The following MAJIN variants were observed in gnomAD, a reference collection of about 807,000 sequenced individuals.
MAJIN encodes membrane-anchored junction protein.
Under a neutral mutation model 30.2 loss-of-function variants are expected in MAJIN, and 27 were observed. The ratio of observed to expected loss-of-function variants is 0.89; its 90% confidence interval spans 0.66 to 1.23. The LOEUF (loss-of-function observed/expected upper bound fraction) is 1.23. MAJIN is among the 50% of genes most tolerant of loss of function. The pLI, the probability that MAJIN is intolerant of heterozygous loss-of-function variation, is 0.00. For synonymous variants in MAJIN, 78 were observed against 91.6 expected (o/e 0.85, Z 0.85); for missense variants, 253 against 260.3 (o/e 0.97, Z 0.19).
At chr11:64,945,044 T>C (rs542235448) in intron 8 of MAJIN, among the ~76,000 whole-genome samples, 135 of 152,302 alleles carry the variant, frequency 8.9e-4, no homozygotes, top group Non-Finnish European at 1.8e-3. Flanking sequence ...TGCTGATACA[T>C]GCCTAGCTCA....
rs374191156 is a variant in MAJIN at position 64,952,664 on chromosome 11, C to A, written c.147+2093G>T. On this transcript the variant is annotated intron_variant, in intron 4 of 10. Transcript: ENST00000301896. ...ACCAAGGCAGCAGGGTTCCAGAGCT[C>A]CTAGTCTTAACCCCTAGGCTAGCCT... Among the ~76,000 whole-genome samples, 15 of 152,200 alleles carry A rather than the reference C, an allele frequency of 9.9e-5. 1 individual carries two copies. The South Asian group carries it at 2.5e-3, about 25-fold the overall frequency.
At chr11:64,970,180 A>G (rs981788167) in intron 1 of MAJIN, among the ~76,000 whole-genome samples, 3 of 147,140 alleles carry the variant, frequency 2.0e-5, no homozygotes, top group Non-Finnish European at 4.5e-5. Context: ...CTTGGCCAAC[A>G]TGGTGAAACC....
intron 1 of MAJIN, among the ~76,000 whole-genome samples, chr11:64,961,943 C>T (rs1170559836): frequency 1.3e-5 from 2 of 152,046 alleles, no homozygotes; most frequent in African/African-American, 2.4e-5. Flanking sequence ...TGCATACCAC[C>T]ATGCCCAGCT....
intron 6 of MAJIN, among the ~76,000 whole-genome samples, 155 bp from the exon 7 acceptor site, chr11:64,947,974 C>G (rs556365496): frequency 1.0e-3 from 153 of 151,816 alleles, no homozygotes; most frequent in Non-Finnish European, 1.9e-3. Context: ...ATTCTCCTCC[C>G]TCAGCCTCCC....
intron 4 of MAJIN, 25 bp downstream of exon 4, chr11:64,954,732 A>G: frequency 6.2e-7 from 1 of 1,610,722 alleles, no homozygotes; most frequent in Non-Finnish European, 8.5e-7. Context: ...TAACTTTTCC[A>G]GAAGTCGTAT....
chr11:64,947,906 C>T (rs561606860), intron 6 of MAJIN, 87 bp from the exon 7 acceptor site: 3 of 1,269,990 alleles, frequency 2.4e-6, no homozygotes, highest in African/African-American at 1.6e-5. Context: ...GTCACCCAGA[C>T]TGGAGTGCAG....
intron 1 of MAJIN, among the ~76,000 whole-genome samples, chr11:64,960,872 G>C (rs1945710476): frequency 6.6e-6 from 1 of 152,190 alleles, no homozygotes; most frequent in Non-Finnish European, 1.5e-5. Flanking sequence ...TTGGCTGCCT[G>C]AGATTAGAAT....
intron 3 of MAJIN, among the ~76,000 whole-genome samples, chr11:64,957,959 T>A (rs1945662149): frequency 6.6e-6 from 1 of 151,968 alleles, no homozygotes; most frequent in African/African-American, 2.4e-5. Flanking sequence ...TTTTTTTTTT[T>A]AAGACAGAGT....
Position 64,949,840 on chromosome 11 carries a change from G to A in MAJIN, c.252C>T (p.His84=), listed in dbSNP as rs1450837211. Residue 84 remains histidine (H), a synonymous_variant, in exon 6 of 11, where the codon CAC becomes CAT. Transcript: ENST00000301896. ...TAATTTCCCCATGTTTGAATTTCAG[G>A]TGGGAAACTCTCTCCCATTTGCTTT... The part of the protein sequence containing the change: ...PYKSKWERVS[H]LKFKHGEIIL... 6.2e-7 allele frequency: 1 copy of A among 1,607,382 alleles called. No individual in the cohort carries two copies. Among genetic ancestry groups the A allele is most frequent in the African/African-American group, 1.3e-5 (1 of 74,886 alleles).
At chr11:64,944,247 C>A (rs184249418) in intron 8 of MAJIN, among the ~76,000 whole-genome samples, 22 of 152,302 alleles carry the variant, frequency 1.4e-4, no homozygotes, top group African/African-American at 5.3e-4. Context: ...TGATACAGTC[C>A]ATTCGGACTT....
Position 64,959,409 on chromosome 11 carries a change from T to C in MAJIN, c.-4A>G, listed in dbSNP as rs1270251749. The C allele has an allele frequency of 1.9e-6, 3 of 1,608,202 alleles. No homozygotes were observed. Among genetic ancestry groups the C allele is most frequent in the Non-Finnish European group, 2.6e-6 (3 of 1,174,768 alleles). On this transcript the variant is annotated 5_prime_UTR_variant, in exon 3 of 11. Transcript: ENST00000301896. ...AGGTAAAGGGTTTTAAACTCATTGC[T>C]CCCAAACGATAGCCTAAATAAAATA...
intron 1 of MAJIN, among the ~76,000 whole-genome samples, chr11:64,966,045 G>A (rs1179745391): frequency 1.4e-5 from 2 of 147,962 alleles, no homozygotes; most frequent in Non-Finnish European, 1.5e-5. Context: ...AAAAGCACTT[G>A]GATGTAAAAC....
intron 3 of MAJIN, among the ~76,000 whole-genome samples, chr11:64,956,361 C>T (rs374808486): frequency 4.0e-5 from 6 of 151,612 alleles, no homozygotes; most frequent in African/African-American, 7.3e-5. Context: ...TGGTGGCGGG[C>T]GCCTGTAATT....
At chr11:64,966,533 T>A (rs1945812489) in intron 1 of MAJIN, among the ~76,000 whole-genome samples, 1 of 151,408 alleles carries the variant, frequency 6.6e-6, no homozygotes, top group African/African-American at 2.4e-5. Flanking sequence ...TGAGACTCCA[T>A]CTCAAAAAAA....
chr11:64,939,329 A>G (rs910621277), intron 10 of MAJIN, among the ~76,000 whole-genome samples: 2 of 152,114 alleles, frequency 1.3e-5, no homozygotes, highest in Non-Finnish European at 2.9e-5. Context: ...TGAACTCCTG[A>G]CCTCAAGTGA....
At chr11:64,971,487 G>GGA (rs1317861238) in intron 1 of MAJIN, among the ~76,000 whole-genome samples, 7 of 151,690 alleles carry the variant, frequency 4.6e-5, no homozygotes, top group Non-Finnish European at 1.0e-4. Flanking sequence ...AGGAGGAGGA[G>GGA]GAGGAGGGTG....
At chr11:64,956,902 G>A (rs1945644498) in intron 3 of MAJIN, among the ~76,000 whole-genome samples, 1 of 151,670 alleles carries the variant, frequency 6.6e-6, no homozygotes. Flanking sequence ...AAGTAGCTGG[G>A]ATTACATGCA....
In MAJIN at chr11:64,947,797, AG is replaced by A. The variant is rs1945473687; in HGVS notation, c.371del (p.Pro124LeufsTer12). On this transcript the variant is annotated frameshift_variant, in exon 7 of 11. Coordinates refer to ENST00000301896, the MANE Select transcript of MAJIN (RefSeq NM_001037225.3). LOFTEE classifies it high-confidence loss of function. ...LSPGKPISDSPLGLVPVEKKA... is the reference protein window; with the variant it reads ...LSPGKPISDSXLGLVPVEKKA... ...GAAAAGGCAAACTTACCAACCCAAG[AG>A]GACTGTCACTTATTGGTTTCCCTAC... The A allele has an allele frequency of 6.2e-7, 1 of 1,613,134 alleles. No homozygotes were observed. Among genetic ancestry groups the A allele is most frequent in the Non-Finnish European group, 8.5e-7 (1 of 1,179,454 alleles).
chr11:64,942,283 AT>A (rs1214240210), intron 8 of MAJIN, among the ~76,000 whole-genome samples: 2 of 149,370 alleles, frequency 1.3e-5, no homozygotes, highest in East Asian at 2.0e-4. Context: ...TTTAGAATTT[AT>A]TTTTTATTTC....
Sources: gnomAD v4.1 joint callset for allele counts (sites outside exome capture counted in the v4.1 genomes callset) on GRCh38, gnomAD v4.1.1 for gene constraint, MANE v1.5 for transcripts, NCBI Gene and HGNC (gene_info 2026-07-23, HGNC 2026-07-21) for gene names.